The following TRIO variants were observed in gnomAD, a reference collection of about 807,000 sequenced individuals.
TRIO encodes the protein trio Rho guanine nucleotide exchange factor, also known as triple functional domain protein.
TRIO carries 58 observed loss-of-function variants against 351.9 expected under a neutral mutation model. That is an observed-to-expected ratio of 0.16 (90% CI 0.13 to 0.21). The LOEUF is 0.21. Ranked by LOEUF, TRIO falls within the 10% of genes least tolerant of loss-of-function variation. The pLI, the probability that TRIO is intolerant of heterozygous loss-of-function variation, is 1.00. For missense variants in TRIO, 3,201 were observed against 4,027.8 expected (o/e 0.79, Z 5.56); for synonymous variants, 1,758 against 1,595.7 (o/e 1.10, Z -2.42).
intron 31 of TRIO, among the ~76,000 whole-genome samples, chr5:14,403,309 GGTT>G (rs1280172532): frequency 6.2e-5 from 8 of 128,272 alleles, no homozygotes; most frequent in African/African-American, 1.5e-4. Context: ...TGAGGGTGTA[GGTT>G]GTGGTGGTGA....
intron 1 of TRIO, among the ~76,000 whole-genome samples, chr5:14,256,275 C>G (rs61421041): frequency 2.0e-5 from 3 of 152,122 alleles, no homozygotes; most frequent in African/African-American, 7.2e-5. Flanking sequence ...TGAGAACTCA[C>G]AAAGACAGCA....
chr5:14,368,671 T>C lies in TRIO; in HGVS notation c.2875-37T>C. ...GTTCCTTTCTAGTCAGTGGGGACAC[T>C]GACAAATAAGCCTTCCCTTTTGTTC... On this transcript the variant is annotated intron_variant, in intron 16 of 56. Transcript: ENST00000344204. 3.1e-6 allele frequency: 5 copies of C among 1,593,312 alleles called. 1 individual carries two copies. The South Asian group carries it at 4.5e-5, about 14-fold the overall frequency.
intron 1 of TRIO, among the ~76,000 whole-genome samples, chr5:14,235,368 A>C (rs1459299564): frequency 6.6e-6 from 1 of 152,242 alleles, no homozygotes; most frequent in Non-Finnish European, 1.5e-5. Flanking sequence ...AGTAAATAGC[A>C]TGAAGTCAGA....
At chr5:14,413,084 G>A (rs1203512501) in intron 33 of TRIO, among the ~76,000 whole-genome samples, 5 of 152,218 alleles carry the variant, frequency 3.3e-5, no homozygotes, top group Non-Finnish European at 4.4e-5. Flanking sequence ...GCTATTGGCC[G>A]GCATTGCTGC....
intron 1 of TRIO, among the ~76,000 whole-genome samples, chr5:14,237,647 A>T (rs900842767): frequency 9.2e-5 from 14 of 152,228 alleles, no homozygotes; most frequent in African/African-American, 2.9e-4. Context: ...GTGAATGTGA[A>T]TACAATTGAA....
At chr5:14,483,694 A>G (rs1345363155) in intron 46 of TRIO, among the ~76,000 whole-genome samples, 1 of 152,114 alleles carries the variant, frequency 6.6e-6, no homozygotes, top group Non-Finnish European at 1.5e-5. Flanking sequence ...CTGGAGCCAA[A>G]CAGCTGGAGA....
intron 5 of TRIO, among the ~76,000 whole-genome samples, chr5:14,292,158 A>G (rs1736971241): frequency 6.6e-6 from 1 of 152,250 alleles, no homozygotes; most frequent in Admixed American, 6.5e-5. Flanking sequence ...TTTGTAAAGT[A>G]AAAAACCACA....
At position 14,229,696 on chromosome 5, in the gene TRIO, A is replaced by G. The variant is rs77379359; in HGVS notation, c.158-41129A>G. Among the ~76,000 whole-genome samples, 844 of 152,310 alleles carry G rather than the reference A, an allele frequency of 5.5e-3. 2 individuals are homozygous for G. The highest frequency in any genetic ancestry group is 0.01 in the Non-Finnish European group (682 of 68,024). On this transcript the variant is annotated intron_variant, in intron 1 of 56. Coordinates refer to ENST00000344204, the MANE Select transcript of TRIO (RefSeq NM_007118.4). ...GTTGGACCAAGCTCCCCTATTTATG[A>G]TACATTGTGTAACGCTCATTGTAGT...
chr5:14,388,715 A>G, intron 24 of TRIO, 36 bp downstream of exon 24: 4 of 1,314,444 alleles, frequency 3.0e-6, no homozygotes, highest in East Asian at 2.9e-5. Context: ...TTGCTTGTTT[A>G]TTTAGATTGA....
intron 37 of TRIO, among the ~76,000 whole-genome samples, chr5:14,467,061 C>T (rs941499309): frequency 6.6e-6 from 1 of 152,164 alleles, no homozygotes; most frequent in Admixed American, 6.5e-5. Context: ...GCACACAGAA[C>T]ATTTAAAAAC....
rs77296396 is a variant in TRIO, at chr5:14,479,709, A to G, written c.6244-210A>G. 0.025 allele frequency among the ~76,000 whole-genome samples: 3,753 copies of G among 152,286 alleles called. 140 individuals carry two copies. Among genetic ancestry groups the G allele is most frequent in the African/African-American group, 0.086 (3,578 of 41,562 alleles). ...AATGCAATTGAAAAAATGCCTTTAA[A>G]CAAGCATAAAAGACTGCTTTGAAAA... On this transcript the variant is annotated intron_variant, in intron 42 of 56. Coordinates refer to ENST00000344204, the MANE Select transcript of TRIO (RefSeq NM_007118.4).
At chr5:14,278,175 G>A (rs1368062467) in intron 2 of TRIO, among the ~76,000 whole-genome samples, 1 of 152,182 alleles carries the variant, frequency 6.6e-6, no homozygotes, top group Non-Finnish European at 1.5e-5. Flanking sequence ...AGAAATCTTT[G>A]TAGTTGAAAG....
chr5:14,435,376 G>T (rs1751499191), intron 34 of TRIO, among the ~76,000 whole-genome samples: 1 of 152,192 alleles, frequency 6.6e-6, no homozygotes. Context: ...AGGCTGGTTG[G>T]AGTGTTTCCA....
chr5:14,485,675 C>A (rs1050511621), intron 47 of TRIO, among the ~76,000 whole-genome samples: 9 of 152,110 alleles, frequency 5.9e-5, no homozygotes, highest in Non-Finnish European at 1.3e-4. Flanking sequence ...ACCCACACCT[C>A]CTTTCCCCAT....
chr5:14,295,504 A>T (rs1737279531), intron 6 of TRIO, among the ~76,000 whole-genome samples: 1 of 152,238 alleles, frequency 6.6e-6, no homozygotes, highest in African/African-American at 2.4e-5. Context: ...CAATCTAGGA[A>T]TGGGCAGGTA....
In TRIO at chr5:14,226,484, C is replaced by T. The variant is rs139805121; in HGVS notation, c.158-44341C>T. Among the ~76,000 whole-genome samples the T allele has an allele frequency of 7.3e-4, 111 of 152,254 alleles. No homozygotes were observed. In the East Asian group the frequency reaches 9.6e-3, roughly 13 times the overall value. On this transcript the variant is annotated intron_variant, in intron 1 of 56. Coordinates refer to ENST00000344204, the MANE Select transcript of TRIO (RefSeq NM_007118.4). ...ACGACAAACAGAATAATTTTACTTA[C>T]GGAGCCTCAAGTTTTAGTAAACCAG...
At chr5:14,463,998 G>A (rs1339049206) in intron 36 of TRIO, among the ~76,000 whole-genome samples, 3 of 152,094 alleles carry the variant, frequency 2.0e-5, no homozygotes, top group Admixed American at 1.3e-4. Flanking sequence ...CTGCAATGAT[G>A]GCTGTGAGCT....
Position 14,507,911 on chromosome 5 carries a change from C to T in TRIO, c.8783C>T (p.Ala2928Val). ...AATATCCTGGTGGATGAGAGTTTAG[C>T]CAAGCCAACCATCAAACTGGCTGAC... ...PENILVDESLAKPTIKLADFG... is the reference protein window; with the variant it reads ...PENILVDESLVKPTIKLADFG... The change falls in exon 57 of 57, where the codon GCC (alanine) becomes GTC (valine). Residue 2928 changes from alanine (A) to valine (V), a missense_variant. Coordinates refer to ENST00000344204, the MANE Select transcript of TRIO (RefSeq NM_007118.4). The T allele has an allele frequency of 6.2e-7, 1 of 1,614,002 alleles. No homozygotes were observed. The highest frequency in any genetic ancestry group is 1.1e-5 in the South Asian group (1 of 91,050).
At chr5:14,354,368 G>A (rs1743419834) in intron 11 of TRIO, among the ~76,000 whole-genome samples, 1 of 152,164 alleles carries the variant, frequency 6.6e-6, no homozygotes, top group Non-Finnish European at 1.5e-5. Context: ...TTCTATTAGT[G>A]GCATAAGAAC....
Sources: gnomAD v4.1 joint callset for allele counts (sites outside exome capture counted in the v4.1 genomes callset) on GRCh38, gnomAD v4.1.1 for gene constraint, MANE v1.5 for transcripts, NCBI Gene and HGNC (gene_info 2026-07-23, HGNC 2026-07-21) for gene names.